Variants in ENPEP observed in about 807,000 individuals in gnomAD.
ENPEP encodes the protein glutamyl aminopeptidase.
In ENPEP, 103 loss-of-function variants were observed where a neutral mutation model predicts 114.5. The ratio of observed to expected loss-of-function variants is 0.90; its 90% CI spans 0.77 to 1.06. The LOEUF (loss-of-function observed/expected upper bound fraction) is 1.06, where lower values mean the gene tolerates loss of function less well. Ranked by LOEUF, ENPEP falls within the 50% of genes least tolerant of loss-of-function variation. The pLI, the probability that ENPEP is intolerant of heterozygous loss-of-function variation, is 0.00. For missense variants in ENPEP, 1,196 were observed against 1,161.3 expected, an observed-to-expected ratio of 1.03 and a Z score of -0.43; for synonymous variants, 420 against 422.0, an observed-to-expected ratio of 1.00 and a Z score of 0.06.
At chr4:110,556,056 G>T (rs1229974952) in intron 18 of ENPEP, among the ~76,000 whole-genome samples, 2 of 151,900 alleles carry the variant, frequency 1.3e-5, no homozygotes, top group Admixed American at 1.3e-4. Context: ...AGACAAAACA[G>T]AAATAAATAT....
intron 4 of ENPEP, 34 bp from the exon 5 acceptor site, chr4:110,509,619 T>C (rs779332568): frequency 2.5e-6 from 4 of 1,588,462 alleles, no homozygotes; most frequent in Non-Finnish European, 2.6e-6. Context: ...ATGGAAAGAA[T>C]GTATTTCTCA....
chr4:110,499,143 A>G (rs1024546087), intron 3 of ENPEP, among the ~76,000 whole-genome samples: 12 of 152,338 alleles, frequency 7.9e-5, no homozygotes, highest in Middle Eastern at 3.4e-3. Flanking sequence ...CCATAGTGTA[A>G]GTATCAATCA....
chr4:110,555,899 T>G (rs771004165), intron 18 of ENPEP, among the ~76,000 whole-genome samples: 13 of 151,978 alleles, frequency 8.6e-5, no homozygotes, highest in African/African-American at 1.4e-4. Context: ...ATGATAAGCA[T>G]GCAGTATATT....
chr4:110,489,066 G>T lies in ENPEP; in HGVS notation c.786+384G>T, dbSNP rs765941288. The stretch of plus-strand genomic sequence containing the variant: ...TAGTTTTCAGGTGAATATAAATCCA[G>T]TTTTTGTTTTGTTTTTTTGAAAAAG... On this transcript the variant is annotated intron_variant, in intron 2 of 19. Coordinates refer to ENST00000265162, the MANE Select transcript of ENPEP (RefSeq NM_001977.4). Among the ~76,000 whole-genome samples, 32 of 152,224 alleles carry T rather than the reference G, an allele frequency of 2.1e-4. 1 individual carries two copies. The Middle Eastern group carries it at 0.017, about 81-fold the overall frequency.
rs775265884 is a variant in ENPEP at position 110,561,357 on chromosome 4, C to T, written c.2722-49C>T. ...AGTTTGTGAATGAAATTCTTGAAGA[C>T]TAATTTGGCTATAAATGACAATCCT... On this transcript the variant is annotated intron_variant, in intron 19 of 19. Transcript: ENST00000265162. The T allele has an allele frequency of 1.9e-6, 3 of 1,582,098 alleles. No individual in the cohort carries two copies. The Admixed American group carries it at 5.5e-5, about 29-fold the overall frequency.
chr4:110,541,886 C>T (rs752094774), intron 11 of ENPEP, among the ~76,000 whole-genome samples: 13 of 152,054 alleles, frequency 8.5e-5, no homozygotes, highest in African/African-American at 2.2e-4. Flanking sequence ...ATAGGAGTAA[C>T]GCTAACGAAC....
chr4:110,493,951 C>T (rs1468264216), intron 3 of ENPEP, among the ~76,000 whole-genome samples: 2 of 152,076 alleles, frequency 1.3e-5, no homozygotes, highest in African/African-American at 4.8e-5. Flanking sequence ...ACATCCAAGA[C>T]AAATAGAAAC....
chr4:110,477,360 A>G (rs1724152151), intron 1 of ENPEP, among the ~76,000 whole-genome samples: 1 of 152,228 alleles, frequency 6.6e-6, no homozygotes, highest in African/African-American at 2.4e-5. Flanking sequence ...TCCATAAATT[A>G]TCTCAGGTTT....
intron 4 of ENPEP, among the ~76,000 whole-genome samples, chr4:110,508,694 C>A (rs1340497050): frequency 6.6e-6 from 1 of 152,060 alleles, no homozygotes; most frequent in Non-Finnish European, 1.5e-5. Flanking sequence ...GCCTGTAGTC[C>A]CAGCTACTCA....
rs144929555 is a variant in ENPEP, at chr4:110,491,134, T to C, written c.888T>C (p.Ser296=). Residue 296 remains serine (S), a synonymous_variant, in exon 3 of 20, where the codon TCT becomes TCC. Transcript: ENST00000265162. Reference sequence around the variant, plus strand: ...GCTTTGCTGTACATCAATTTGACTCTGTAAAGAGAATATCAAATAGTGGAA... The same window carrying C: ...GCTTTGCTGTACATCAATTTGACTCCGTAAAGAGAATATCAAATAGTGGAA... ...LVCFAVHQFD[S]VKRISNSGKP... 3,522 of 1,610,394 alleles carry C rather than the reference T, an allele frequency of 2.2e-3. 8 individuals carry two copies. Among genetic ancestry groups the C allele is most frequent in the Non-Finnish European group, 2.5e-3 (3,002 of 1,179,420 alleles).
chr4:110,488,683 G>C lies in ENPEP; in HGVS notation c.786+1G>C. On this transcript the variant is annotated splice_donor_variant, in intron 2 of 19. Transcript: ENST00000265162. LOFTEE classifies it high-confidence loss of function. Reference sequence around the variant, plus strand: ...AGCACTTTCAAATATGCCAGTGGCGGTAAGTATTTTTTAAATGTTTTGTTT... The same window carrying C: ...AGCACTTTCAAATATGCCAGTGGCGCTAAGTATTTTTTAAATGTTTTGTTT... 1 of 1,606,550 alleles carries C rather than the reference G, an allele frequency of 6.2e-7. No homozygotes were observed. The highest frequency in any genetic ancestry group is 1.1e-5 in the South Asian group (1 of 89,326).
intron 3 of ENPEP, among the ~76,000 whole-genome samples, chr4:110,498,401 G>A (rs138067251): frequency 2.1e-3 from 326 of 152,104 alleles, no homozygotes; most frequent in African/African-American, 7.3e-3. Context: ...GGGATGATCA[G>A]CAGTGAAAAG....
Position 110,513,565 on chromosome 4 carries a change from C to CA in ENPEP, c.1443+17dup. 2 of 1,610,210 alleles carry CA rather than the reference C, an allele frequency of 1.2e-6. No homozygotes were observed. The highest frequency in any genetic ancestry group is 1.7e-6 in the Non-Finnish European group (2 of 1,178,404). On this transcript the variant is annotated intron_variant, in intron 7 of 19. Coordinates refer to ENST00000265162, the MANE Select transcript of ENPEP (RefSeq NM_001977.4). ...CTATAGCAAGGTGGGAGAAATAGAA[C>CA]ATTGTTTTGAACATCTTCCTGTTTA...
intron 11 of ENPEP, among the ~76,000 whole-genome samples, chr4:110,532,353 A>G (rs1726439157): frequency 1.3e-5 from 2 of 152,190 alleles, no homozygotes; most frequent in Admixed American, 1.3e-4. Flanking sequence ...ACATAAATAA[A>G]AGTGTATATG....
intron 11 of ENPEP, among the ~76,000 whole-genome samples, chr4:110,540,194 G>T (rs531257009): frequency 6.6e-6 from 1 of 152,166 alleles, no homozygotes; most frequent in South Asian, 2.1e-4. Context: ...ATTGCAAGGT[G>T]TTTAAAATAT....
At chr4:110,557,797 G>A (rs902822079) in intron 18 of ENPEP, among the ~76,000 whole-genome samples, 1 of 152,184 alleles carries the variant, frequency 6.6e-6, no homozygotes. Flanking sequence ...AGTGGCGTCT[G>A]TGATAAGAGT....
At chr4:110,529,022 C>T (rs1174047391) in intron 10 of ENPEP, among the ~76,000 whole-genome samples, 1 of 152,152 alleles carries the variant, frequency 6.6e-6, no homozygotes. Flanking sequence ...ATAGCCTCAA[C>T]TTTCTATCAT....
intron 4 of ENPEP, among the ~76,000 whole-genome samples, chr4:110,508,679 C>T (rs1191458346): frequency 2.6e-5 from 4 of 152,094 alleles, no homozygotes; most frequent in Admixed American, 1.3e-4. Flanking sequence ...GGCGCGGTGG[C>T]GGGCGCCTGT....
At position 110,542,807 on chromosome 4, in the gene ENPEP, G is replaced by T. The variant is rs1726899178; in HGVS notation, c.1864G>T (p.Asp622Tyr). The T allele has an allele frequency of 1.2e-6, 2 of 1,612,590 alleles. No individual in the cohort carries two copies. The highest frequency in any genetic ancestry group is 1.7e-6 in the Non-Finnish European group (2 of 1,178,990). The change falls in exon 12 of 20, where the codon GAT (aspartate) becomes TAT (tyrosine). Residue 622 changes from aspartate (D) to tyrosine (Y), a missense_variant. By Grantham distance (160) the Asp-to-Tyr change is radical. Coordinates refer to ENST00000265162, the MANE Select transcript of ENPEP (RefSeq NM_001977.4). ...SGNAFLKINP[D>Y]HIGFYRVNYE... The stretch of plus-strand genomic sequence containing the variant: ...AAATGCTTTTCTCAAAATAAACCCA[G>T]ATCATATTGGGTTTTATCGTGTAAA...
Sources: allele counts gnomAD v4.1 joint callset (sites outside exome capture counted in the v4.1 genomes callset), GRCh38; gene constraint gnomAD v4.1.1; transcripts MANE v1.5; gene names NCBI Gene and HGNC (gene_info 2026-07-23, HGNC 2026-07-21).